The following ZNF714 variants were observed in gnomAD, a reference collection of about 807,000 sequenced individuals.
ZNF714 encodes zinc finger protein 714.
A neutral mutation model predicts 46.2 loss-of-function variants in ZNF714; 32 were observed. The observed-to-expected ratio is 0.69, with a 90% CI of 0.52 to 0.93. The LOEUF (loss-of-function observed/expected upper bound fraction) is 0.93, where lower values mean the gene tolerates loss of function less well. Ranked by LOEUF, ZNF714 falls within the 40% of genes least tolerant of loss-of-function variation. The pLI, the probability that ZNF714 is intolerant of heterozygous loss-of-function variation, is 0.00. For missense variants in ZNF714, 635 were observed against 646.3 expected (o/e 0.98, Z 0.19); for synonymous variants, 199 against 213.1 (o/e 0.93, Z 0.58).
chr19:21,098,813 A>C lies in ZNF714; in HGVS notation c.45A>C (p.Ala15=). The change falls in exon 4 of 5, where the codon GCA becomes GCC. Residue 15 remains alanine, a splice_region_variant and synonymous_variant. Transcript: ENST00000456283. The part of the protein sequence containing the change: ...LENYKNLVFL[A]GIAVSKQDPI... ...TTATGCTATTTACTTTTAATAAAGC[A>C]GGTATTGCTGTCTCTAAGCAAGACC... The C allele has an allele frequency of 1.2e-6, 2 of 1,603,538 alleles. No homozygotes were observed. Among genetic ancestry groups the C allele is most frequent in the Non-Finnish European group, 8.5e-7 (1 of 1,173,980 alleles).
Position 21,083,975 on chromosome 19 carries a change from T to C in ZNF714, c.-176-3T>C, listed in dbSNP as rs1433745560. ...TCAGCTTCTGGTTTATTTTCTTCCATAGGGCGACCTGAGGTCTGGAGTGTA... is the reference window on the plus strand; with the variant it reads ...TCAGCTTCTGGTTTATTTTCTTCCACAGGGCGACCTGAGGTCTGGAGTGTA... On this transcript the variant is annotated splice_polypyrimidine_tract_variant and splice_region_variant and intron_variant, in intron 1 of 4. Coordinates refer to ENST00000456283, the MANE Select transcript of ZNF714 (RefSeq NM_182515.4). 1.6e-5 allele frequency: 21 copies of C among 1,286,616 alleles called. No homozygotes were observed. Among genetic ancestry groups the C allele is most frequent in the South Asian group, 3.9e-5 (3 of 77,610 alleles). 79.7% of individuals were successfully genotyped at this position (1,286,616 alleles called of 1,614,324 possible). A position where few individuals can be genotyped will look rare whatever the true frequency, so the allele number is the denominator to read the frequency against.
chr19:21,088,201 A>G (rs1001215232), intron 2 of ZNF714, among the ~76,000 whole-genome samples: 1 of 152,130 alleles, frequency 6.6e-6, no homozygotes, highest in African/African-American at 2.4e-5. Context: ...TCTTGCATAA[A>G]TTTCTTTTAG....
chr19:21,092,545 A>G (rs918708345), intron 2 of ZNF714, among the ~76,000 whole-genome samples: 10 of 152,102 alleles, frequency 6.6e-5, no homozygotes, highest in Non-Finnish European at 1.5e-4. Flanking sequence ...AACTCCGTCC[A>G]CTTACATTGC....
At chr19:21,114,204 C>G (rs931070985) in intron 4 of ZNF714, among the ~76,000 whole-genome samples, 1 of 151,936 alleles carries the variant, frequency 6.6e-6, no homozygotes, top group Non-Finnish European at 1.5e-5. Context: ...TTTGGGAGGC[C>G]AAGGTGGACA....
Position 21,121,027 on chromosome 19 carries a change from T to G in ZNF714, c.*2695T>G, listed in dbSNP as rs1969694270. ...ATCCAAACCTACACTTTTTAAAAATTTTTTGTTGTTGTTGTTCTTGTTGTT... is the reference window on the plus strand; with the variant it reads ...ATCCAAACCTACACTTTTTAAAAATGTTTTGTTGTTGTTGTTCTTGTTGTT... On this transcript the variant is annotated 3_prime_UTR_variant, in exon 5 of 5. Coordinates refer to ENST00000456283, the MANE Select transcript of ZNF714 (RefSeq NM_182515.4). The G allele has an allele frequency of 6.6e-6, 1 of 152,108 alleles. No individual in the cohort carries two copies. Among genetic ancestry groups the G allele is most frequent in the African/African-American group, 2.4e-5 (1 of 41,412 alleles). 9.4% of individuals were successfully genotyped at this position (152,108 alleles called of 1,614,324 possible).
chr19:21,099,609 A>G (rs1969126016), intron 4 of ZNF714, among the ~76,000 whole-genome samples: 1 of 151,924 alleles, frequency 6.6e-6, no homozygotes, highest in African/African-American at 2.4e-5. Context: ...TGTTTTTATT[A>G]CTATAGTCTT....
intron 4 of ZNF714, among the ~76,000 whole-genome samples, chr19:21,110,277 G>A: frequency 6.6e-6 from 1 of 152,066 alleles, no homozygotes; most frequent in African/African-American, 2.4e-5. Flanking sequence ...TGGCTTTTTA[G>A]TAATCACCAT....
intron 2 of ZNF714, among the ~76,000 whole-genome samples, chr19:21,084,912 G>A (rs978509020): frequency 6.6e-6 from 1 of 151,942 alleles, no homozygotes; most frequent in African/African-American, 2.4e-5. Flanking sequence ...GAGCCACCAC[G>A]CCCGGCCAGC....
At position 21,103,365 on chromosome 19, in the gene ZNF714, C is replaced by T. The variant is rs113989367; in HGVS notation, c.142+4455C>T. On this transcript the variant is annotated intron_variant, in intron 4 of 4. Transcript: ENST00000456283. Reference sequence around the variant, plus strand: ...ATCAGGAGTTCCAGACCAGCCTGGTCAACATGGTGAAACCCTGTCTCTACT... The same window carrying T: ...ATCAGGAGTTCCAGACCAGCCTGGTTAACATGGTGAAACCCTGTCTCTACT... 1.0e-3 allele frequency among the ~76,000 whole-genome samples: 156 copies of T among 151,986 alleles called. 1 individual carries two copies. The highest frequency in any genetic ancestry group is 3.2e-3 in the African/African-American group (134 of 41,470).
At chr19:21,114,422 C>T (rs531070366) in intron 4 of ZNF714, among the ~76,000 whole-genome samples, 12 of 118,038 alleles carry the variant, frequency 1.0e-4, no homozygotes, top group East Asian at 9.8e-4. Flanking sequence ...GGTGACAGAG[C>T]GAGACTCCAT....
chr19:21,086,120 T>C (rs1423761646), intron 2 of ZNF714, among the ~76,000 whole-genome samples: 2 of 152,162 alleles, frequency 1.3e-5, no homozygotes, highest in Admixed American at 6.5e-5. Context: ...AATGAGATTT[T>C]ATGTTGACTC....
At chr19:21,103,494 A>G (rs1475389697) in intron 4 of ZNF714, among the ~76,000 whole-genome samples, 1 of 152,214 alleles carries the variant, frequency 6.6e-6, no homozygotes, top group African/African-American at 2.4e-5. Context: ...CAGAGGTTGC[A>G]GTGAGCCGAG....
At chr19:21,091,588 T>C (rs1238503271) in intron 2 of ZNF714, 2 of 151,934 alleles carry the variant, frequency 1.3e-5, no homozygotes, top group African/African-American at 2.4e-5. Context: ...GGTGTTTCTT[T>C]CCATAAACTA....
intron 2 of ZNF714, among the ~76,000 whole-genome samples, chr19:21,094,154 C>A (rs1378217407): frequency 6.6e-6 from 1 of 152,100 alleles, no homozygotes; most frequent in Non-Finnish European, 1.5e-5. Context: ...CCACACCTGG[C>A]TAAATTTTGT....
chr19:21,100,213 T>C (rs1206513401), intron 4 of ZNF714, among the ~76,000 whole-genome samples: 3 of 152,220 alleles, frequency 2.0e-5, no homozygotes, highest in Middle Eastern at 3.4e-3. Context: ...TGATATCTTA[T>C]ATATTTCATT....
At chr19:21,113,349 G>A (rs1424352106) in intron 4 of ZNF714, 2 of 88,368 alleles carry the variant, frequency 2.3e-5, no homozygotes, top group South Asian at 5.0e-4. Context: ...GAGTTTTTTT[G>A]TTTTGTTTTT....
intron 2 of ZNF714, among the ~76,000 whole-genome samples, chr19:21,092,168 G>C (rs372798024): frequency 6.6e-6 from 1 of 152,078 alleles, no homozygotes; most frequent in Non-Finnish European, 1.5e-5. Flanking sequence ...GGTGAGAGAG[G>C]ATGAAAACTT....
chr19:21,120,128 A>T lies in ZNF714; in HGVS notation c.*1796A>T, dbSNP rs1969682347. On this transcript the variant is annotated 3_prime_UTR_variant, in exon 5 of 5. Transcript: ENST00000456283. ...ATGATCTCGGCTCACTGCAACCTTC[A>T]ATTTCCAGTTTCAAGCGATTCTCCT... 1 of 152,040 alleles carries T rather than the reference A, an allele frequency of 6.6e-6. No homozygotes were observed. The highest frequency in any genetic ancestry group is 1.9e-4 in the East Asian group (1 of 5,186). The allele number at this position is 152,040 out of a possible 1,614,324, so 9.4% of individuals were successfully genotyped here.
At chr19:21,115,585 C>T (rs1033255998) in intron 4 of ZNF714, among the ~76,000 whole-genome samples, 24 of 151,490 alleles carry the variant, frequency 1.6e-4, no homozygotes, top group Admixed American at 1.1e-3. Context: ...ATCACAGTTT[C>T]CTTCTGGCCT....
Sources: gnomAD v4.1 joint callset for allele counts (sites outside exome capture counted in the v4.1 genomes callset) on GRCh38, gnomAD v4.1.1 for gene constraint, MANE v1.5 for transcripts, NCBI Gene and HGNC (gene_info 2026-07-23, HGNC 2026-07-21) for gene names.